Variants in ARPP21 observed in about 807,000 individuals in gnomAD.
ARPP21 encodes cAMP regulated phosphoprotein 21, also known as cAMP-regulated phosphoprotein 21.
In ARPP21, 69 loss-of-function variants were observed where a neutral mutation model predicts 113.2. The ratio of observed to expected loss-of-function variants is 0.61; its 90% confidence interval spans 0.50 to 0.74. The LOEUF (loss-of-function observed/expected upper bound fraction) is 0.74. ARPP21 is among the 30% of genes least tolerant of loss of function. ARPP21 has a pLI of 0.00. For synonymous variants in ARPP21, 368 were observed against 375.5 expected (o/e 0.98, Z 0.23); for missense variants, 1,070 against 1,037.4 (o/e 1.03, Z -0.43).
At chr3:35,786,587 A>G (rs1483561809) in intron 19 of ARPP21, among the ~76,000 whole-genome samples, 3 of 151,978 alleles carry the variant, frequency 2.0e-5, no homozygotes, top group African/African-American at 7.2e-5. Context: ...AGGTTGGCAT[A>G]TAGGCAAAAG....
chr3:35,713,326 G>A (rs550747721), intron 11 of ARPP21, among the ~76,000 whole-genome samples: 1 of 152,156 alleles, frequency 6.6e-6, no homozygotes, highest in Non-Finnish European at 1.5e-5. Flanking sequence ...TGTAGTTGAG[G>A]GGATAATGAG....
At chr3:35,661,973 T>C (rs1708051272) in intron 1 of ARPP21, among the ~76,000 whole-genome samples, 1 of 152,206 alleles carries the variant, frequency 6.6e-6, no homozygotes, top group South Asian at 2.1e-4. Context: ...TATTGGTGAT[T>C]TTAAAATTAA....
chr3:35,782,956 G>T (rs2151764229), intron 19 of ARPP21, among the ~76,000 whole-genome samples: 1 of 151,998 alleles, frequency 6.6e-6, no homozygotes, highest in East Asian at 1.9e-4. Flanking sequence ...TTTTATTGAG[G>T]TCACCGGTTT....
intron 19 of ARPP21, among the ~76,000 whole-genome samples, chr3:35,782,157 A>T (rs2096539380): frequency 6.6e-6 from 1 of 152,192 alleles, no homozygotes; most frequent in Non-Finnish European, 1.5e-5. Context: ...TGGCAAAAAA[A>T]TATCTTACTG....
intron 14 of ARPP21, among the ~76,000 whole-genome samples, chr3:35,722,443 TGAAA>T (rs1258908178): frequency 1.3e-5 from 2 of 152,354 alleles, no homozygotes; most frequent in Non-Finnish European, 1.5e-5. Context: ...TTATGAAGAC[TGAAA>T]GAGTCAGTAT....
chr3:35,690,587 A>G (rs1460404088), intron 8 of ARPP21, among the ~76,000 whole-genome samples: 1 of 151,602 alleles, frequency 6.6e-6, no homozygotes, highest in Non-Finnish European at 1.5e-5. Flanking sequence ...TTGATAAGGT[A>G]TCATGGACTA....
chr3:35,716,167 C>T (rs372584828), intron 12 of ARPP21, among the ~76,000 whole-genome samples: 2 of 152,076 alleles, frequency 1.3e-5, no homozygotes, highest in South Asian at 2.1e-4. Context: ...TAAAATGCCC[C>T]ATTGATTTAA....
chr3:35,743,729 T>C (rs956201855), intron 18 of ARPP21, 110 bp from the exon 19 acceptor site: 5 of 1,146,798 alleles, frequency 4.4e-6, no homozygotes, highest in Non-Finnish European at 6.4e-6. Context: ...AAGTTTGCGG[T>C]GGCCATCTTC....
chr3:35,761,280 A>G (rs2095765559), intron 19 of ARPP21, among the ~76,000 whole-genome samples: 1 of 152,128 alleles, frequency 6.6e-6, no homozygotes, highest in Admixed American at 6.6e-5. Flanking sequence ...TTTGGAGATG[A>G]TTAAAACTAT....
chr3:35,785,443 A>G (rs944523046), intron 19 of ARPP21, among the ~76,000 whole-genome samples: 3 of 152,142 alleles, frequency 2.0e-5, no homozygotes, highest in Admixed American at 6.6e-5. Context: ...GGAGGCATTC[A>G]TTGAAATTCC....
At chr3:35,656,973 C>G (rs1050791790) in intron 1 of ARPP21, among the ~76,000 whole-genome samples, 1 of 151,964 alleles carries the variant, frequency 6.6e-6, no homozygotes, top group African/African-American at 2.4e-5. Flanking sequence ...GAGAATCATT[C>G]TTCAAAAATG....
chr3:35,730,906 A>T (rs987296444), intron 15 of ARPP21, among the ~76,000 whole-genome samples: 8 of 152,224 alleles, frequency 5.3e-5, no homozygotes, highest in African/African-American at 1.9e-4. Context: ...ATTTTATTGA[A>T]AACCGTTTGA....
At chr3:35,692,485 T>A (rs1355126717) in intron 9 of ARPP21, among the ~76,000 whole-genome samples, 2 of 151,664 alleles carry the variant, frequency 1.3e-5, no homozygotes. Flanking sequence ...TCCTTTTAAT[T>A]TTTTTCTTCT....
intron 4 of ARPP21, 113 bp downstream of exon 4, chr3:35,683,002 G>A (rs570935050): frequency 2.9e-6 from 3 of 1,047,560 alleles, no homozygotes; most frequent in East Asian, 2.5e-5. Flanking sequence ...AGATATTGTG[G>A]GGCATCTCGG....
chr3:35,738,502 G>A lies in ARPP21; in HGVS notation c.1749+184G>A, dbSNP rs1196477982. Among the ~76,000 whole-genome samples, 3 of 152,196 alleles carry A rather than the reference G, an allele frequency of 2.0e-5. No individual in the cohort carries two copies. The East Asian group carries it at 5.8e-4, about 29-fold the overall frequency. On this transcript the variant is annotated intron_variant, in intron 17 of 20. Coordinates refer to ENST00000684406, the MANE Select transcript of ARPP21 (RefSeq NM_001385562.1). The stretch of plus-strand genomic sequence containing the variant: ...TCTGCAAAACAATGGTTTCCTTTCT[G>A]TCATCTGTCTGTCCCATGCTGAGTG...
intron 19 of ARPP21, among the ~76,000 whole-genome samples, chr3:35,781,949 C>T (rs1248545010): frequency 6.6e-6 from 1 of 152,062 alleles, no homozygotes; most frequent in Non-Finnish European, 1.5e-5. Flanking sequence ...CATTAGATAA[C>T]CTAGAACTAA....
chr3:35,671,933 C>T (rs1374390244), intron 1 of ARPP21, among the ~76,000 whole-genome samples: 2 of 152,010 alleles, frequency 1.3e-5, no homozygotes, highest in Non-Finnish European at 2.9e-5. Flanking sequence ...AGAAACTCAA[C>T]CACATGTGCA....
chr3:35,672,793 C>T (rs2076655445), intron 1 of ARPP21, among the ~76,000 whole-genome samples: 1 of 152,020 alleles, frequency 6.6e-6, no homozygotes, highest in Admixed American at 6.6e-5. Context: ...GAGCCATCAG[C>T]CAGCCAACTT....
intron 14 of ARPP21, among the ~76,000 whole-genome samples, chr3:35,728,788 A>G (rs1027989191): frequency 6.6e-6 from 1 of 152,168 alleles, no homozygotes; most frequent in African/African-American, 2.4e-5. Context: ...AAGATTATTT[A>G]TGACTAGGCC....
Sources: allele counts gnomAD v4.1 joint callset (sites outside exome capture counted in the v4.1 genomes callset), GRCh38; gene constraint gnomAD v4.1.1; transcripts MANE v1.5; gene names NCBI Gene and HGNC (gene_info 2026-07-23, HGNC 2026-07-21).